Variants in SLC60A1 observed in about 807,000 individuals in gnomAD.
SLC60A1 encodes the protein solute carrier family 60 member 1, also known as major facilitator superfamily domain containing 4.
At chr1:205,578,209 G>A in the SLC60A1 span, among the ~76,000 whole-genome samples, 1 of 152,220 alleles carries the variant, frequency 6.6e-6, no homozygotes, top group Non-Finnish European at 1.5e-5. Flanking sequence ...TGGTACCCGT[G>A]TCAGTAGAGG....
At chr1:205,572,174 T>A in the SLC60A1 span, among the ~76,000 whole-genome samples, 1 of 152,180 alleles carries the variant, frequency 6.6e-6, no homozygotes, top group Admixed American at 6.5e-5. Flanking sequence ...AAAAGCCACC[T>A]GGTTGGCAAG....
the SLC60A1 span, among the ~76,000 whole-genome samples, chr1:205,589,586 C>A: frequency 1.4e-4 from 21 of 152,180 alleles, no homozygotes; most frequent in Non-Finnish European, 2.1e-4. Flanking sequence ...ACATTTCCAT[C>A]TAACATAGCT....
At chr1:205,573,294 C>A in the SLC60A1 span, among the ~76,000 whole-genome samples, 4 of 152,200 alleles carry the variant, frequency 2.6e-5, no homozygotes, top group African/African-American at 7.2e-5. Context: ...GTGGTACGTG[C>A]CTGTAATCCC....
the SLC60A1 span, among the ~76,000 whole-genome samples, chr1:205,570,073 C>G: frequency 6.6e-6 from 1 of 152,194 alleles, no homozygotes; most frequent in African/African-American, 2.4e-5. Flanking sequence ...TCATCCTACT[C>G]CTGCTGGGCC....
chr1:205,598,040 A>C, the SLC60A1 span: 2 of 572,078 alleles, frequency 3.5e-6, no homozygotes. Flanking sequence ...GAGCCTCCAT[A>C]TGTGGGATCT....
the SLC60A1 span, among the ~76,000 whole-genome samples, chr1:205,570,425 G>GCCGGC: frequency 0.37 from 55,507 of 151,314 alleles, 11,378 homozygotes; most frequent in East Asian, 0.94. Flanking sequence ...CTCTGGAGGG[G>GCCGGC]CCGTTCTGGG....
At chr1:205,583,987 G>C in the SLC60A1 span, 1 of 1,613,924 alleles carries the variant, frequency 6.2e-7, no homozygotes, top group South Asian at 1.1e-5. Context: ...TGATGCTGCT[G>C]TCCAAGGAGC....
At chr1:205,600,198 A>G in the SLC60A1 span, 12 of 523,170 alleles carry the variant, frequency 2.3e-5, no homozygotes, top group South Asian at 3.8e-4. Flanking sequence ...GGAGACAGAC[A>G]CATTCCCCAA....
the SLC60A1 span, among the ~76,000 whole-genome samples, chr1:205,589,545 C>T: frequency 1.3e-5 from 2 of 152,234 alleles, no homozygotes; most frequent in Non-Finnish European, 2.9e-5. Context: ...ATGAAGTAAA[C>T]GACACTTATA....
chr1:205,594,830 G>A, the SLC60A1 span, among the ~76,000 whole-genome samples: 59 of 152,004 alleles, frequency 3.9e-4, no homozygotes, highest in Admixed American at 3.9e-3. Flanking sequence ...TCTTTGATGG[G>A]TCTTGGCTTG....
the SLC60A1 span, chr1:205,600,608 T>A: frequency 2.9e-6 from 2 of 680,126 alleles, no homozygotes; most frequent in South Asian, 1.9e-5. Context: ...TAGAGGAAAT[T>A]AAATTGAGTC....
the SLC60A1 span, among the ~76,000 whole-genome samples, chr1:205,599,548 G>C: frequency 6.6e-6 from 1 of 152,270 alleles, no homozygotes; most frequent in East Asian, 1.9e-4. Flanking sequence ...CATGTCATGG[G>C]ACCATGAGCC....
At chr1:205,593,416 A>AGCCGAAAGCCCGCCACT in the SLC60A1 span, among the ~76,000 whole-genome samples, 1 of 74,726 alleles carries the variant, frequency 1.3e-5, no homozygotes, top group African/African-American at 5.4e-5. Context: ...GCTTGCAGTG[A>AGCCGAAAGCCCGCCACT]GCACTCCAGC....
chr1:205,591,504 G>GAAAAAAAA, the SLC60A1 span, among the ~76,000 whole-genome samples: 6 of 71,712 alleles, frequency 8.4e-5, 1 homozygote, highest in Non-Finnish European at 2.4e-4. Flanking sequence ...AAAAAAAAAG[G>GAAAAAAAA]AAAGAAAAGA....
the SLC60A1 span, chr1:205,579,939 T>A: frequency 1.2e-6 from 2 of 1,613,152 alleles, no homozygotes; most frequent in African/African-American, 1.3e-5. Flanking sequence ...GACTCGGCCG[T>A]CTTCCTCCAG....
At chr1:205,572,322 G>A in the SLC60A1 span, among the ~76,000 whole-genome samples, 1 of 152,262 alleles carries the variant, frequency 6.6e-6, no homozygotes, top group African/African-American at 2.4e-5. Context: ...GAAGGCGTCA[G>A]CATAGGTAAA....
the SLC60A1 span, among the ~76,000 whole-genome samples, chr1:205,593,717 C>G: frequency 3.9e-5 from 6 of 152,210 alleles, no homozygotes; most frequent in African/African-American, 1.4e-4. Flanking sequence ...GTCGTATGTG[C>G]TCACTGCAAA....
chr1:205,569,413 C>A, the SLC60A1 span: 1 of 643,774 alleles, frequency 1.6e-6, no homozygotes, highest in Non-Finnish European at 2.1e-6. Context: ...CGTGGGGCTG[C>A]CCGTCGCCCC....
the SLC60A1 span, among the ~76,000 whole-genome samples, chr1:205,574,902 C>G: frequency 6.6e-6 from 1 of 152,184 alleles, no homozygotes; most frequent in Non-Finnish European, 1.5e-5. Flanking sequence ...GTGGTCCTGC[C>G]GTAGCTTGGA....
Sources: allele counts gnomAD v4.1 joint callset (sites outside exome capture counted in the v4.1 genomes callset), GRCh38; gene constraint gnomAD v4.1.1; transcripts MANE v1.5; gene names NCBI Gene and HGNC (gene_info 2026-07-23, HGNC 2026-07-21).